Variants in FGF13 observed in about 807,000 individuals in gnomAD.
FGF13 encodes the protein fibroblast growth factor 13, also known as fibroblast growth factor homologous factor 2.
In FGF13, 2 loss-of-function variants were observed where a neutral mutation model predicts 19.5. That is an observed-to-expected ratio of 0.10 (90% confidence interval 0.04 to 0.32). The LOEUF (loss-of-function observed/expected upper bound fraction) is 0.32. Among genes scored for constraint, FGF13 ranks in the 10% least tolerant of loss-of-function variants. The pLI is 1.00. For missense variants in FGF13, 113 were observed against 192.7 expected, an observed-to-expected ratio of 0.59 and a Z score of 2.45; for synonymous variants, 72 against 76.9, an observed-to-expected ratio of 0.94 and a Z score of 0.33.
chrX:138,709,707 C>T (rs781697148), intron 1 of FGF13, among the ~76,000 whole-genome samples: 95 of 111,734 alleles, frequency 8.5e-4, no homozygotes, highest in Admixed American at 1.5e-3. Flanking sequence ...TCTCATTTAC[C>T]AATAACAGCC....
At position 138,630,478 on chromosome X, in the gene FGF13, A is replaced by C. The variant is rs2089105280; in HGVS notation, c.*2372T>G. ...ACATGGTACAAAGGATCCTGCATCC[A>C]AGATAGCTAGGCAGGTGAGCGTACC... On this transcript the variant is annotated 3_prime_UTR_variant, in exon 5 of 5. Transcript: ENST00000315930. 1 of 110,506 alleles carries C rather than the reference A, an allele frequency of 9.0e-6. No homozygotes were observed. The highest frequency in any genetic ancestry group is 1.9e-5 in the Non-Finnish European group (1 of 52,961). 9.1% of individuals were successfully genotyped at this position (110,506 alleles called of 1,213,427 possible).
At chrX:138,729,549 T>C (rs1360417669) in intron 1 of FGF13, among the ~76,000 whole-genome samples, 1 of 109,047 alleles carries the variant, frequency 9.2e-6, no homozygotes, top group Admixed American at 9.9e-5. Context: ...ATCTGGCACA[T>C]GAGTAATTTG....
chrX:138,647,117 A>G (rs2089315423), intron 3 of FGF13, among the ~76,000 whole-genome samples: 1 of 109,487 alleles, frequency 9.1e-6, no homozygotes, highest in African/African-American at 3.3e-5. Context: ...AAGGTAAGTA[A>G]AGTTCTTCTG....
rs145661814 is a variant in FGF13, at chrX:138,760,208, T to C, written c.218-51280A>G. Among the ~76,000 whole-genome samples the C allele has an allele frequency of 2.8e-4, 31 of 111,823 alleles. No individual in the cohort carries two copies. In the East Asian group the frequency reaches 7.6e-3, roughly 27 times the overall value. On this transcript the variant is annotated intron_variant, in intron 3 of 6. Coordinates refer to the FGF13 transcript ENST00000436198. ...ATATTGTCGTGCACCTAACACATATTTACCATCTTTCAACAATTCTTTGCA... is the reference window on the plus strand; with the variant it reads ...ATATTGTCGTGCACCTAACACATATCTACCATCTTTCAACAATTCTTTGCA...
intron 3 of FGF13, among the ~76,000 whole-genome samples, chrX:138,787,874 G>C (rs1365407781): frequency 1.8e-5 from 2 of 111,159 alleles, no homozygotes; most frequent in Non-Finnish European, 3.8e-5. Context: ...ACCTGCCAAA[G>C]ACCACACCTC....
chrX:138,961,975 C>A (rs1426730697), intron 1 of FGF13, among the ~76,000 whole-genome samples: 4 of 111,743 alleles, frequency 3.6e-5, no homozygotes, highest in South Asian at 3.7e-4. Context: ...AATGGCAACA[C>A]AAGCCAAAAT....
chrX:139,054,899 G>GTTGTATTGTATTGTATTGTATTGTA (rs555643117), intron 1 of FGF13, among the ~76,000 whole-genome samples: 49 of 98,940 alleles, frequency 5.0e-4, no homozygotes, highest in African/African-American at 1.9e-3. Context: ...GTTGTGTTGT[G>GTTGTATTGTATTGTATTGTATTGTA]TTGTATTGTA....
At chrX:138,730,433 A>G (rs1223157234) in intron 1 of FGF13, among the ~76,000 whole-genome samples, 1 of 112,089 alleles carries the variant, frequency 8.9e-6, no homozygotes, top group African/African-American at 3.2e-5. Flanking sequence ...AGAGGTTTAT[A>G]GCACATACAG....
intron 1 of FGF13, among the ~76,000 whole-genome samples, chrX:139,099,726 C>T (rs1272231347): frequency 9.0e-6 from 1 of 111,472 alleles, no homozygotes; most frequent in African/African-American, 3.3e-5. Flanking sequence ...CCATCAACAT[C>T]TCAAGCACAG....
intron 1 of FGF13, among the ~76,000 whole-genome samples, chrX:138,877,607 C>T (rs2091398262): frequency 8.9e-6 from 1 of 111,850 alleles, no homozygotes; most frequent in Admixed American, 9.5e-5. Context: ...CTTCTCTTCC[C>T]CCAGCCCCTA....
intron 3 of FGF13, among the ~76,000 whole-genome samples, chrX:138,789,462 C>T (rs1602856076): frequency 9.2e-6 from 1 of 109,219 alleles, no homozygotes; most frequent in Non-Finnish European, 1.9e-5. Context: ...TTACAGGCGT[C>T]AGCCACCGCG....
intron 1 of FGF13, among the ~76,000 whole-genome samples, chrX:138,953,541 C>T (rs1391407555): frequency 1.8e-5 from 2 of 110,896 alleles, no homozygotes; most frequent in African/African-American, 6.6e-5. Flanking sequence ...CAATCCTGCA[C>T]GTTGTGCACA....
intron 1 of FGF13, among the ~76,000 whole-genome samples, chrX:139,167,524 TG>T (rs2084096655): frequency 1.8e-5 from 2 of 111,773 alleles, no homozygotes; most frequent in African/African-American, 6.5e-5. Context: ...CTCAGTGATG[TG>T]GTAATAACAT....
intron 1 of FGF13, among the ~76,000 whole-genome samples, chrX:138,950,186 C>T (rs1215646088): frequency 8.9e-6 from 1 of 111,867 alleles, no homozygotes; most frequent in Non-Finnish European, 1.9e-5. Flanking sequence ...GAGTGAGCTG[C>T]AAAATGACCT....
intron 1 of FGF13, among the ~76,000 whole-genome samples, chrX:139,121,036 C>T (rs756207964): frequency 3.6e-5 from 4 of 112,465 alleles, no homozygotes; most frequent in Non-Finnish European, 5.6e-5. Flanking sequence ...AATAGGACCA[C>T]TTAATATAGT....
rs767373868 is a variant in FGF13 at position 138,790,673 on chromosome X, TC to T, written c.217+66838del. Among the ~76,000 whole-genome samples the T allele has an allele frequency of 2.9e-3, 325 of 112,244 alleles. 3 individuals are homozygous for T. The highest frequency in any genetic ancestry group is 0.024 in the Admixed American group (259 of 10,572). The stretch of plus-strand genomic sequence containing the variant: ...CCTTTAGTAAAATGTCTGCCTCTAA[TC>T]CTATGTTTGCTTCTTATTCATCTTC... On this transcript the variant is annotated intron_variant, in intron 3 of 6. Coordinates refer to the FGF13 transcript ENST00000436198.
At chrX:138,786,431 G>A (rs1303430276) in intron 3 of FGF13, among the ~76,000 whole-genome samples, 1 of 111,867 alleles carries the variant, frequency 8.9e-6, no homozygotes. Context: ...GACCATGGCA[G>A]CTCTTTTCCA....
chrX:139,129,036 G>A (rs928780744), intron 1 of FGF13, among the ~76,000 whole-genome samples: 1 of 107,343 alleles, frequency 9.3e-6, no homozygotes, highest in African/African-American at 3.4e-5. Context: ...GTGGGGGAGG[G>A]GGGAGCTCCT....
intron 1 of FGF13, among the ~76,000 whole-genome samples, chrX:138,994,289 C>T (rs755551532): frequency 1.3e-4 from 14 of 110,925 alleles, no homozygotes; most frequent in Non-Finnish European, 1.1e-4. Flanking sequence ...GTCTCTCTTC[C>T]TCTTCTTATG....
Sources: gnomAD v4.1 joint callset for allele counts (sites outside exome capture counted in the v4.1 genomes callset) on GRCh38, gnomAD v4.1.1 for gene constraint, MANE v1.5 for transcripts, NCBI Gene and HGNC (gene_info 2026-07-23, HGNC 2026-07-21) for gene names.